Variants in SHCBP1L observed in about 807,000 individuals in gnomAD.
The protein encoded by SHCBP1L is SHC binding and spindle associated 1 like, also known as testicular spindle-associated protein SHCBP1L.
A neutral mutation model predicts 62.5 loss-of-function variants in SHCBP1L; 67 were observed. The observed-to-expected ratio is 1.07, with a 90% CI of 0.88 to 1.31. The LOEUF is 1.31. SHCBP1L is among the 40% of genes most tolerant of loss of function. SHCBP1L has a pLI of 0.00. For missense variants in SHCBP1L, 823 were observed against 809.8 expected, an observed-to-expected ratio of 1.02 and a Z score of -0.20; for synonymous variants, 284 against 289.4, an observed-to-expected ratio of 0.98 and a Z score of 0.19.
chr1:182,907,752 T>C lies in SHCBP1L; in HGVS notation c.1183-2103A>G, dbSNP rs539368332. Among the ~76,000 whole-genome samples, 12 of 152,164 alleles carry C rather than the reference T, an allele frequency of 7.9e-5. No individual in the cohort carries two copies. The East Asian group carries it at 1.6e-3, about 20-fold the overall frequency. On this transcript the variant is annotated intron_variant, in intron 6 of 9. Coordinates refer to ENST00000367547, the MANE Select transcript of SHCBP1L (RefSeq NM_030933.4). ...TGCCACTGCACCCGGCTAATTTTTG[T>C]ATTTTTAGTGGAGACGGGGTTTCAC...
intron 6 of SHCBP1L, among the ~76,000 whole-genome samples, chr1:182,910,576 C>T (rs78357525): frequency 0.023 from 3,483 of 152,184 alleles, 136 homozygotes; most frequent in African/African-American, 0.081. Flanking sequence ...ATTCCTCAGA[C>T]GAGGGGCTGA....
intron 9 of SHCBP1L, among the ~76,000 whole-genome samples, chr1:182,900,522 T>A (rs1043006239): frequency 6.6e-6 from 1 of 152,142 alleles, no homozygotes; most frequent in Non-Finnish European, 1.5e-5. Flanking sequence ...AACCTCCGCC[T>A]CCCGGTTCAA....
intron 6 of SHCBP1L, among the ~76,000 whole-genome samples, chr1:182,907,977 C>T (rs1283911511): frequency 1.3e-5 from 2 of 152,002 alleles, no homozygotes; most frequent in Non-Finnish European, 2.9e-5. Context: ...TAAAGAAAAC[C>T]TTCATTTATA....
intron 5 of SHCBP1L, among the ~76,000 whole-genome samples, chr1:182,935,797 G>C (rs1438083291): frequency 1.3e-5 from 2 of 152,138 alleles, no homozygotes; most frequent in African/African-American, 4.8e-5. Flanking sequence ...CTTAAAGGCT[G>C]CTTCATCTGA....
chr1:182,924,472 T>A, intron 6 of SHCBP1L, among the ~76,000 whole-genome samples: 1 of 151,616 alleles, frequency 6.6e-6, no homozygotes, highest in African/African-American at 2.4e-5. Flanking sequence ...TAATTTTTTG[T>A]ATTTTTAGTA....
chr1:182,904,422 T>A lies in SHCBP1L; in HGVS notation c.1345A>T (p.Lys449Ter). ...GAAGTAATCATAATTTCCTCTCTCT[T>A]TCCAACTCCTGATTCATAGGGATAA... Reference protein sequence around the residue: ...TDDIIIKGVGKREEIMITSEP... With the variant: ...TDDIIIKGVG Residue 449 changes from lysine to a stop codon, truncating the protein, a stop_gained, in exon 8 of 10, where the codon AAG (lysine) becomes TAG (stop). Coordinates refer to ENST00000367547, the MANE Select transcript of SHCBP1L (RefSeq NM_030933.4). LOFTEE classifies it high-confidence loss of function. The A allele has an allele frequency of 6.2e-7, 1 of 1,613,982 alleles. No homozygotes were observed. Among genetic ancestry groups the A allele is most frequent in the South Asian group, 1.1e-5 (1 of 91,050 alleles).
chr1:182,918,251 C>T (rs995401275), intron 6 of SHCBP1L, among the ~76,000 whole-genome samples: 10 of 132,554 alleles, frequency 7.5e-5, no homozygotes, highest in African/African-American at 2.7e-4. Context: ...TATATACACA[C>T]ATATATATCT....
chr1:182,951,030 T>G (rs559086190), intron 2 of SHCBP1L, among the ~76,000 whole-genome samples: 4 of 152,314 alleles, frequency 2.6e-5, no homozygotes, highest in African/African-American at 9.6e-5. Flanking sequence ...TGTTAAAGAC[T>G]GAATCACTAA....
At chr1:182,918,350 T>G (rs1351716664) in intron 6 of SHCBP1L, among the ~76,000 whole-genome samples, 1 of 151,650 alleles carries the variant, frequency 6.6e-6, no homozygotes, top group Non-Finnish European at 1.5e-5. Flanking sequence ...ATCAGTTTTG[T>G]TTTTATATAT....
chr1:182,938,880 T>G (rs535083353), intron 5 of SHCBP1L, among the ~76,000 whole-genome samples: 21 of 152,198 alleles, frequency 1.4e-4, no homozygotes, highest in Non-Finnish European at 2.2e-4. Context: ...ATATTATATA[T>G]AGAGGAGGTC....
chr1:182,901,522 G>C (rs778671158), intron 9 of SHCBP1L, among the ~76,000 whole-genome samples: 2 of 152,274 alleles, frequency 1.3e-5, no homozygotes, highest in Admixed American at 6.5e-5. Context: ...TAATTTCTGG[G>C]AACACAAACA....
intron 6 of SHCBP1L, among the ~76,000 whole-genome samples, chr1:182,911,565 C>G (rs1447836462): frequency 2.0e-5 from 3 of 152,142 alleles, no homozygotes; most frequent in Non-Finnish European, 4.4e-5. Context: ...AAGACTTTAA[C>G]TCTACTGTTT....
In SHCBP1L at chr1:182,953,041, G is replaced by C. The variant is rs777855962; in HGVS notation, c.93C>G (p.Ser31=). The C allele has an allele frequency of 2.6e-6, 4 of 1,544,788 alleles. No homozygotes were observed. The highest frequency in any genetic ancestry group is 1.9e-4 in the Middle Eastern group (1 of 5,400). ...GGGTGGTCGCGGCCGCCGTGTCCCC[G>C]GAGACAGCGGAGGCGGACTTCTCGC... is the stretch of plus-strand genomic sequence containing the variant. ...RRGEKSASAV[S]GDTAAATTLK... Residue 31 remains serine (S), a synonymous_variant, in exon 1 of 10, where the codon TCC becomes TCG. Coordinates refer to ENST00000367547, the MANE Select transcript of SHCBP1L (RefSeq NM_030933.4).
chr1:182,900,011 T>G lies in SHCBP1L; in HGVS notation c.1934A>C (p.Lys645Thr). 1 of 1,611,772 alleles carries G rather than the reference T, an allele frequency of 6.2e-7. No homozygotes were observed. The highest frequency in any genetic ancestry group is 2.2e-5 in the East Asian group (1 of 44,714). ...MNNNKIEANV[K>T]GDIRIVTS ...ACTTGTGACTATTCTGATATCCCCC[T>G]TGACGTTTGCTTCTATCTTATTATT... The change falls in exon 10 of 10, where the codon AAG (lysine) becomes ACG (threonine). Residue 645 changes from lysine to threonine, a missense_variant. Transcript: ENST00000367547.
chr1:182,904,310 T>C lies in SHCBP1L; in HGVS notation c.1457A>G (p.Asp486Gly). The change falls in exon 8 of 10, where the codon GAT becomes GGT. Residue 486 changes from aspartate to glycine, a missense_variant. Physicochemically the swap from Asp to Gly is moderately conservative, Grantham distance 94. Coordinates refer to ENST00000367547, the MANE Select transcript of SHCBP1L (RefSeq NM_030933.4). ...HLSLIQQGTV[D>G]GIVVVESGHM... Reference sequence around the variant, plus strand: ...ACCAGACTCCACCACCACGATACCATCAACCGTCCCTTGTTGTATCAAAGA... The same window carrying C: ...ACCAGACTCCACCACCACGATACCACCAACCGTCCCTTGTTGTATCAAAGA... 1.2e-6 allele frequency: 2 copies of C among 1,614,092 alleles called. No homozygotes were observed. Among genetic ancestry groups the C allele is most frequent in the Non-Finnish European group, 1.7e-6 (2 of 1,180,014 alleles).
intron 7 of SHCBP1L, 148 bp from the exon 8 acceptor site, chr1:182,904,578 C>A: frequency 1.4e-6 from 1 of 699,576 alleles, no homozygotes. Flanking sequence ...TGTGTGTGTG[C>A]GCATGCGCAT....
At chr1:182,946,379 T>G (rs1651565736) in intron 2 of SHCBP1L, among the ~76,000 whole-genome samples, 1 of 152,180 alleles carries the variant, frequency 6.6e-6, no homozygotes, top group Non-Finnish European at 1.5e-5. Flanking sequence ...CCCAGGCTCT[T>G]TCTGTGGTAA....
At chr1:182,945,209 C>G (rs1017557912) in intron 2 of SHCBP1L, among the ~76,000 whole-genome samples, 1 of 152,152 alleles carries the variant, frequency 6.6e-6, no homozygotes, top group African/African-American at 2.4e-5. Context: ...GGCAATCCGT[C>G]CGTCTTGGCC....
rs562441917 is a variant in SHCBP1L at position 182,951,377 on chromosome 1, T to C, written c.496A>G (p.Ser166Gly). 6 of 1,609,640 alleles carry C rather than the reference T, an allele frequency of 3.7e-6. No individual in the cohort carries two copies. The African/African-American group carries it at 8.0e-5, about 21-fold the overall frequency. The change falls in exon 2 of 10, where the codon AGT (serine) becomes GGT (glycine). Residue 166 changes from serine to glycine, a missense_variant. Coordinates refer to ENST00000367547, the MANE Select transcript of SHCBP1L (RefSeq NM_030933.4). ...KWLGVWKTNP[S>G]VFFVKYEEAS... The stretch of plus-strand genomic sequence containing the variant: ...TCTTCATATTTCACAAAGAATACAC[T>C]GGGATTAGTCTTCCAGACTCCAAGC...
Sources: allele counts gnomAD v4.1 joint callset (sites outside exome capture counted in the v4.1 genomes callset), GRCh38; gene constraint gnomAD v4.1.1; transcripts MANE v1.5; gene names NCBI Gene and HGNC (gene_info 2026-07-23, HGNC 2026-07-21).